VRK1: variants seen among roughly 807,000 people sequenced by gnomAD.
The protein encoded by VRK1 is serine/threonine-protein kinase VRK1.
VRK1 carries 33 observed loss-of-function variants against 57.1 expected under a neutral mutation model. That is an observed-to-expected ratio of 0.58 (90% CI 0.44 to 0.77). The LOEUF (loss-of-function observed/expected upper bound fraction) is 0.77. Among genes scored for constraint, VRK1 ranks in the 30% least tolerant of loss-of-function variants. The pLI is 0.00. For missense variants in VRK1, 413 were observed against 477.3 expected (o/e 0.87, Z 1.25); for synonymous variants, 137 against 147.8 (o/e 0.93, Z 0.53).
intron 1 of VRK1, among the ~76,000 whole-genome samples, chr14:96,818,395 T>C (rs1175820332): frequency 2.7e-5 from 4 of 148,996 alleles, no homozygotes; most frequent in African/African-American, 1.0e-4. Context: ...GGAAGAAATT[T>C]TTTCTTTTCT....
intron 1 of VRK1, among the ~76,000 whole-genome samples, chr14:96,809,462 T>C (rs1886072633): frequency 6.6e-6 from 1 of 152,192 alleles, no homozygotes; most frequent in Non-Finnish European, 1.5e-5. Flanking sequence ...TATGTATATG[T>C]ATGTATCTTT....
Position 96,847,260 on chromosome 14 carries a change from A to G in VRK1, c.290A>G (p.Gln97Arg). ...AAAGATCTGTTTTAATTTGTAGTTC[A>G]GAAATGGATTCGTACCCGTAAGCTG... is the stretch of plus-strand genomic sequence containing the variant. ...YQRAAKPEQIQKWIRTRKLKY... is the reference protein window; with the variant it reads ...YQRAAKPEQIRKWIRTRKLKY... The change falls in exon 5 of 13, where the codon CAG (glutamine) becomes CGG (arginine). Residue 97 changes from glutamine (Q) to arginine (R), a missense_variant. Physicochemically the swap from Gln to Arg is conservative, Grantham distance 43 (BLOSUM62 1). Coordinates refer to ENST00000216639, the MANE Select transcript of VRK1 (RefSeq NM_003384.3). 6.2e-7 allele frequency: 1 copy of G among 1,613,338 alleles called. No individual in the cohort carries two copies. Among genetic ancestry groups the G allele is most frequent in the Non-Finnish European group, 8.5e-7 (1 of 1,179,406 alleles).
intron 12 of VRK1, 28 bp from the exon 13 acceptor site, chr14:96,881,149 A>T (rs1449920877): frequency 6.3e-7 from 1 of 1,590,476 alleles, no homozygotes; most frequent in South Asian, 1.1e-5. Flanking sequence ...TTGACTAGTG[A>T]TTTCAGTTTC....
At chr14:96,875,498 C>T (rs956877032) in intron 11 of VRK1, among the ~76,000 whole-genome samples, 1 of 152,138 alleles carries the variant, frequency 6.6e-6, no homozygotes, top group African/African-American at 2.4e-5. Flanking sequence ...ACAATTATTA[C>T]AAGTTTTTCA....
At chr14:96,860,859 C>T in intron 11 of VRK1, 124 bp downstream of exon 11, 6 of 973,160 alleles carry the variant, frequency 6.2e-6, no homozygotes, top group Non-Finnish European at 7.6e-6. Context: ...TTAAGGCAAA[C>T]ATTTTTTGTA....
At chr14:96,856,017 A>T (rs1227198552) in intron 8 of VRK1, 113 bp from the exon 9 acceptor site, 2 of 1,310,048 alleles carry the variant, frequency 1.5e-6, no homozygotes, top group Non-Finnish European at 1.1e-6. Flanking sequence ...AAATTTTATG[A>T]TGAAAAACAG....
chr14:96,876,486 A>G (rs974742635), intron 12 of VRK1, among the ~76,000 whole-genome samples: 7 of 152,160 alleles, frequency 4.6e-5, no homozygotes, highest in African/African-American at 1.7e-4. Context: ...TCTGGGCAAC[A>G]TAGAAACCCC....
At chr14:96,831,022 A>G (rs1366361002) in intron 1 of VRK1, among the ~76,000 whole-genome samples, 1 of 152,172 alleles carries the variant, frequency 6.6e-6, no homozygotes, top group East Asian at 1.9e-4. Context: ...AGACCTCACC[A>G]AGGACCCCTT....
chr14:96,860,901 A>G, intron 11 of VRK1, 166 bp downstream of exon 11: 1 of 575,830 alleles, frequency 1.7e-6, no homozygotes, highest in East Asian at 3.1e-5. Flanking sequence ...TTGTAGAAAA[A>G]TAAATATTTA....
intron 1 of VRK1, among the ~76,000 whole-genome samples, chr14:96,819,192 T>C (rs769008692): frequency 6.6e-6 from 1 of 152,232 alleles, no homozygotes; most frequent in Non-Finnish European, 1.5e-5. Flanking sequence ...GAAATATAAA[T>C]GAGTCATTTT....
chr14:96,798,286 C>T (rs1237306486), intron 1 of VRK1, among the ~76,000 whole-genome samples: 1 of 152,158 alleles, frequency 6.6e-6, no homozygotes, highest in Non-Finnish European at 1.5e-5. Flanking sequence ...TTCCTACCAC[C>T]GAAATAGTAT....
At chr14:96,806,200 G>A (rs1324359793) in intron 1 of VRK1, among the ~76,000 whole-genome samples, 4 of 152,094 alleles carry the variant, frequency 2.6e-5, no homozygotes, top group Non-Finnish European at 4.4e-5. Flanking sequence ...ATTCCCAGTC[G>A]GGGATGTTCA....
intron 4 of VRK1, among the ~76,000 whole-genome samples, chr14:96,846,536 G>A (rs1272957776): frequency 6.6e-6 from 1 of 151,944 alleles, no homozygotes; most frequent in South Asian, 2.1e-4. Context: ...TCCTGGTTGA[G>A]GACTTTTATA....
intron 10 of VRK1, chr14:96,859,056 T>G (rs901585189): frequency 1.3e-5 from 2 of 152,208 alleles, no homozygotes; most frequent in South Asian, 2.1e-4. Flanking sequence ...TTGGTCTGTC[T>G]TAATTTCTCT....
At chr14:96,839,946 AC>A (rs1172761398) in intron 3 of VRK1, among the ~76,000 whole-genome samples, 1 of 152,138 alleles carries the variant, frequency 6.6e-6, no homozygotes, top group Non-Finnish European at 1.5e-5. Context: ...CTTAACATAC[AC>A]CCCACTTAGT....
At chr14:96,847,604 CCAACTGA>C (rs1426050664) in intron 5 of VRK1, among the ~76,000 whole-genome samples, 1 of 152,098 alleles carries the variant, frequency 6.6e-6, no homozygotes, top group Non-Finnish European at 1.5e-5. Flanking sequence ...TGACTGGAAC[CCAACTGA>C]CAAGGAGGAA....
intron 1 of VRK1, among the ~76,000 whole-genome samples, chr14:96,811,519 T>C (rs1181711214): frequency 6.6e-6 from 1 of 152,202 alleles, no homozygotes; most frequent in Non-Finnish European, 1.5e-5. Flanking sequence ...CTCTCTTCCA[T>C]CTTGGAAAGT....
chr14:96,829,441 G>A (rs1418007598), intron 1 of VRK1, among the ~76,000 whole-genome samples: 2 of 152,074 alleles, frequency 1.3e-5, no homozygotes, highest in African/African-American at 4.8e-5. Context: ...AGTGAATGGG[G>A]CTAGGAAATA....
At chr14:96,816,135 GC>G (rs1257137441) in intron 1 of VRK1, among the ~76,000 whole-genome samples, 2 of 152,060 alleles carry the variant, frequency 1.3e-5, no homozygotes, top group African/African-American at 4.8e-5. Context: ...CATTGAAGGG[GC>G]CCCCGTTGTC....
Sources: allele counts gnomAD v4.1 joint callset (sites outside exome capture counted in the v4.1 genomes callset), GRCh38; gene constraint gnomAD v4.1.1; transcripts MANE v1.5; gene names NCBI Gene and HGNC (gene_info 2026-07-23, HGNC 2026-07-21).